ROBO1: variants seen among roughly 807,000 people sequenced by gnomAD.
The protein encoded by ROBO1 is roundabout homolog 1.
Under a neutral mutation model 195.9 loss-of-function variants are expected in ROBO1, and 149 were observed. The observed-to-expected ratio is 0.76, with a 90% CI of 0.67 to 0.87. The LOEUF is 0.87. ROBO1 is among the 40% of genes least tolerant of loss of function. ROBO1 has a pLI of 0.00. For synonymous variants in ROBO1, 816 were observed against 733.2 expected, an observed-to-expected ratio of 1.11 and a Z score of -1.82; for missense variants, 1,933 against 2,068.3, an observed-to-expected ratio of 0.93 and a Z score of 1.27.
intron 2 of ROBO1, among the ~76,000 whole-genome samples, chr3:79,214,334 A>G (rs2082016890): frequency 6.6e-6 from 1 of 152,152 alleles, no homozygotes; most frequent in African/African-American, 2.4e-5. Flanking sequence ...AATTCCCAAT[A>G]TAGGTGTTTT....
At chr3:79,557,743 A>AATATATAT (rs1304293113) in intron 2 of ROBO1, among the ~76,000 whole-genome samples, 1 of 130,836 alleles carries the variant, frequency 7.6e-6, no homozygotes, top group Non-Finnish European at 1.6e-5. Context: ...AACAAAAAAA[A>AATATATAT]ATATATATAT....
At chr3:79,594,281 T>A (rs1944095466) in intron 1 of ROBO1, among the ~76,000 whole-genome samples, 1 of 152,054 alleles carries the variant, frequency 6.6e-6, no homozygotes, top group Non-Finnish European at 1.5e-5. Context: ...GTTCTCTCAG[T>A]ATTAAAAATA....
chr3:79,152,591 AC>A (rs2080792335), intron 2 of ROBO1, among the ~76,000 whole-genome samples: 1 of 151,872 alleles, frequency 6.6e-6, no homozygotes, highest in Non-Finnish European at 1.5e-5. Flanking sequence ...CATTCATTAT[AC>A]GCAATGACTA....
At chr3:79,189,680 T>G (rs1408283275) in intron 2 of ROBO1, among the ~76,000 whole-genome samples, 7 of 151,778 alleles carry the variant, frequency 4.6e-5, no homozygotes, top group African/African-American at 2.4e-5. Context: ...GGCACTCTGA[T>G]GCATTAAGCA....
chr3:78,598,017 T>TTAAG lies in ROBO1; in HGVS notation c.*892_*895dup, dbSNP rs1249494381. On this transcript the variant is annotated 3_prime_UTR_variant, in exon 31 of 31. Transcript: ENST00000464233. ...TTACAAAAACAAAAATCAAACTTCCTTAAGTGGCACTTCTGAAAGTTGAAC... is the reference window on the plus strand; with the variant it reads ...TTACAAAAACAAAAATCAAACTTCCTTAAGTAAGTGGCACTTCTGAAAGTTGAAC... 1.3e-5 allele frequency: 2 copies of TTAAG among 152,180 alleles called. No homozygotes were observed. The highest frequency in any genetic ancestry group is 3.9e-4 in the East Asian group (2 of 5,172). The allele number at this position is 152,180 out of a possible 1,614,324, so 9.4% of individuals were successfully genotyped here.
chr3:79,649,944 A>G (rs1277395935), intron 1 of ROBO1, among the ~76,000 whole-genome samples: 1 of 152,092 alleles, frequency 6.6e-6, no homozygotes, highest in East Asian at 1.9e-4. Context: ...GTTTAAAGGG[A>G]AATTTAGAAT....
chr3:79,103,358 G>A (rs1238658944), intron 3 of ROBO1, among the ~76,000 whole-genome samples: 1 of 151,758 alleles, frequency 6.6e-6, no homozygotes, highest in Non-Finnish European at 1.5e-5. Flanking sequence ...GTCAGCTTTT[G>A]CATTATTGAC....
rs567775173 is a variant in ROBO1, at chr3:79,171,596, C to T, written c.89-46057G>A. Among the ~76,000 whole-genome samples the T allele has an allele frequency of 9.2e-5, 14 of 152,124 alleles. No individual in the cohort carries two copies. The East Asian group carries it at 2.7e-3, about 29-fold the overall frequency. On this transcript the variant is annotated intron_variant, in intron 2 of 30. Coordinates refer to ENST00000464233, the MANE Select transcript of ROBO1 (RefSeq NM_002941.4). ...ATACATAAAGGGATAAAATATTCTT[C>T]CTTAAACAACTATTAACCATTTAAA...
At chr3:79,430,608 T>G (rs1266578740) in intron 2 of ROBO1, among the ~76,000 whole-genome samples, 1 of 152,088 alleles carries the variant, frequency 6.6e-6, no homozygotes, top group Non-Finnish European at 1.5e-5. Context: ...CACAACTTAG[T>G]GAATGGTTGC....
At chr3:79,424,454 C>T (rs1280102284) in intron 2 of ROBO1, among the ~76,000 whole-genome samples, 1 of 151,938 alleles carries the variant, frequency 6.6e-6, no homozygotes, top group Non-Finnish European at 1.5e-5. Context: ...ATATACTCCT[C>T]AAGTGAATGA....
intron 15 of ROBO1, 62 bp downstream of exon 15, chr3:78,661,931 A>G (rs1707429061): frequency 1.3e-5 from 20 of 1,538,014 alleles, no homozygotes; most frequent in Middle Eastern, 2.2e-4. Flanking sequence ...TACATTTTAT[A>G]TGCATTGCAA....
chr3:78,793,549 A>C (rs1302360437), intron 4 of ROBO1, among the ~76,000 whole-genome samples: 1 of 152,190 alleles, frequency 6.6e-6, no homozygotes, highest in Non-Finnish European at 1.5e-5. Flanking sequence ...ATGATCCAAC[A>C]ATTTTGCTTT....
At chr3:78,678,353 A>C (rs1350192048) in intron 10 of ROBO1, among the ~76,000 whole-genome samples, 1 of 152,114 alleles carries the variant, frequency 6.6e-6, no homozygotes, top group Non-Finnish European at 1.5e-5. Flanking sequence ...ATAGAGACAC[A>C]AAAAACCCTT....
chr3:79,521,526 C>T (rs918973961), intron 2 of ROBO1, among the ~76,000 whole-genome samples: 5 of 152,118 alleles, frequency 3.3e-5, no homozygotes, highest in East Asian at 1.9e-4. Flanking sequence ...GGTGTGTCTT[C>T]GTTAGCCTAT....
At chr3:78,915,892 A>C (rs1334191398) in intron 4 of ROBO1, among the ~76,000 whole-genome samples, 1 of 152,152 alleles carries the variant, frequency 6.6e-6, no homozygotes, top group Non-Finnish European at 1.5e-5. Context: ...TCCTGAGTTC[A>C]AGTCATCCTC....
chr3:78,668,756 A>C (rs1707884789), intron 11 of ROBO1, among the ~76,000 whole-genome samples, 191 bp from the exon 12 acceptor site: 1 of 152,198 alleles, frequency 6.6e-6, no homozygotes, highest in South Asian at 2.1e-4. Context: ...ATAGAAAAAA[A>C]GATTTTATAT....
intron 1 of ROBO1, among the ~76,000 whole-genome samples, chr3:79,739,489 G>A (rs997720326): frequency 1.3e-5 from 2 of 151,966 alleles, no homozygotes; most frequent in African/African-American, 2.4e-5. Flanking sequence ...GGAACTCAAA[G>A]CAATTATAAT....
chr3:79,172,436 G>T (rs1434958325), intron 2 of ROBO1, among the ~76,000 whole-genome samples: 2 of 152,144 alleles, frequency 1.3e-5, no homozygotes, highest in Non-Finnish European at 2.9e-5. Context: ...CCCCTTGGGA[G>T]AATTCCTGGA....
chr3:79,457,423 G>A (rs969271484), intron 2 of ROBO1, among the ~76,000 whole-genome samples: 2 of 151,890 alleles, frequency 1.3e-5, no homozygotes, highest in African/African-American at 4.8e-5. Context: ...GTCTATGGGA[G>A]TGCATCGCTG....
Sources: allele counts gnomAD v4.1 joint callset (sites outside exome capture counted in the v4.1 genomes callset), GRCh38; gene constraint gnomAD v4.1.1; transcripts MANE v1.5; gene names NCBI Gene and HGNC (gene_info 2026-07-23, HGNC 2026-07-21).